The following SPACA3 variants were observed in gnomAD, a reference collection of about 807,000 sequenced individuals.
The protein encoded by SPACA3 is sperm acrosome associated 3.
SPACA3 carries 21 observed loss-of-function variants against 24.5 expected under a neutral mutation model. The observed-to-expected ratio is 0.86, with a 90% confidence interval of 0.61 to 1.24. The LOEUF is 1.24. Among genes scored for constraint, SPACA3 ranks in the 50% most tolerant of loss-of-function variants. SPACA3 has a pLI of 0.00. For missense variants in SPACA3, 278 were observed against 275.5 expected, an observed-to-expected ratio of 1.01 and a Z score of -0.06; for synonymous variants, 115 against 106.9, an observed-to-expected ratio of 1.08 and a Z score of -0.47.
Position 32,997,474 on chromosome 17 carries a change from GT to G in SPACA3, c.534del (p.Ile179SerfsTer4). ...DLLNPNLKDT[V>X]ICAMKITQEP... ...GTTGAATCCTAATCTCAAGGATACCGTTATCTGTGCCATGAAGATAACCCAA... is the reference window on the plus strand; with the variant it reads ...GTTGAATCCTAATCTCAAGGATACCGTATCTGTGCCATGAAGATAACCCAA... On this transcript the variant is annotated frameshift_variant, in exon 4 of 5. Coordinates refer to ENST00000269053, the MANE Select transcript of SPACA3 (RefSeq NM_173847.5). LOFTEE classifies it high-confidence loss of function. 6.2e-7 allele frequency: 1 copy of G among 1,614,030 alleles called. No individual in the cohort carries two copies. Among genetic ancestry groups the G allele is most frequent in the Non-Finnish European group, 8.5e-7 (1 of 1,179,994 alleles).
rs1246087511 is a variant in SPACA3, at chr17:32,995,657, C to G, written c.283C>G (p.Leu95Val). ...GGCCAAGCTCTACGGTCGTTGTGAA[C>G]TGGCCAGAGTGCTACATGACTTCGG... is the stretch of plus-strand genomic sequence containing the variant. ...SEAKLYGRCE[L>V]ARVLHDFGLD... Residue 95 changes from leucine (L) to valine (V), a missense_variant, in exon 2 of 5, where the codon CTG becomes GTG. Transcript: ENST00000269053. 6.2e-7 allele frequency: 1 copy of G among 1,614,256 alleles called. No individual in the cohort carries two copies. Among genetic ancestry groups the G allele is most frequent in the South Asian group, 1.1e-5 (1 of 91,086 alleles).
chr17:32,997,870 A>G lies in SPACA3; in HGVS notation c.*92A>G. ...CAAGCCAGCGAATAAAGGATGGTTG[A>G]ACGTGAATATGGCTCTCAGCTCTCA... On this transcript the variant is annotated 3_prime_UTR_variant, in exon 5 of 5. Coordinates refer to ENST00000269053, the MANE Select transcript of SPACA3 (RefSeq NM_173847.5). 1 of 1,331,798 alleles carries G rather than the reference A, an allele frequency of 7.5e-7. No individual in the cohort carries two copies. The highest frequency in any genetic ancestry group is 1.1e-6 in the Non-Finnish European group (1 of 926,216). The allele number at this position is 1,331,798 out of a possible 1,614,324, so 82.5% of individuals were successfully genotyped here.
At chr17:32,993,859 G>A (rs1442523222) in intron 1 of SPACA3, among the ~76,000 whole-genome samples, 1 of 152,054 alleles carries the variant, frequency 6.6e-6, no homozygotes, top group Non-Finnish European at 1.5e-5. Context: ...CGGGAGAGGA[G>A]GGACAACGGA....
At chr17:32,992,081 G>A in intron 1 of SPACA3, 109 bp downstream of exon 1, 1 of 1,176,832 alleles carries the variant, frequency 8.5e-7, no homozygotes, top group Non-Finnish European at 1.2e-6. Context: ...GGGTTATCCT[G>A]GCCTGGAAGA....
Position 32,997,866 on chromosome 17 carries a change from G to A in SPACA3, c.*88G>A. ...AAGACAAGCCAGCGAATAAAGGATG[G>A]TTGAACGTGAATATGGCTCTCAGCT... is the stretch of plus-strand genomic sequence containing the variant. On this transcript the variant is annotated 3_prime_UTR_variant, in exon 5 of 5. Coordinates refer to ENST00000269053, the MANE Select transcript of SPACA3 (RefSeq NM_173847.5). The A allele has an allele frequency of 3.6e-6, 5 of 1,380,982 alleles. No homozygotes were observed. Among genetic ancestry groups the A allele is most frequent in the Non-Finnish European group, 5.2e-6 (5 of 970,236 alleles). 85.5% of individuals were successfully genotyped at this position (1,380,982 alleles called of 1,614,324 possible).
At chr17:32,995,215 G>A (rs952766228) in intron 1 of SPACA3, among the ~76,000 whole-genome samples, 194 bp from the exon 2 acceptor site, 4 of 152,104 alleles carry the variant, frequency 2.6e-5, no homozygotes, top group Non-Finnish European at 4.4e-5. Flanking sequence ...TAAATAATCC[G>A]TAACGTGTAA....
intron 1 of SPACA3, among the ~76,000 whole-genome samples, chr17:32,994,482 T>C (rs898556101): frequency 6.6e-6 from 1 of 151,978 alleles, no homozygotes. Flanking sequence ...CCCGTGGAGG[T>C]TGGAGACCAG....
At chr17:32,993,678 G>A (rs561607398) in intron 1 of SPACA3, among the ~76,000 whole-genome samples, 6 of 122,602 alleles carry the variant, frequency 4.9e-5, no homozygotes, top group Non-Finnish European at 8.0e-5. Flanking sequence ...GAAAACAAGC[G>A]GGAGGGAGAA....
rs769793366 is a variant in SPACA3, at chr17:32,997,696, T to C, written c.582-16T>C. 1.2e-6 allele frequency: 2 copies of C among 1,613,600 alleles called. No homozygotes were observed. The highest frequency in any genetic ancestry group is 1.7e-5 in the Admixed American group (1 of 60,008). On this transcript the variant is annotated splice_polypyrimidine_tract_variant and intron_variant, in intron 4 of 4. Coordinates refer to ENST00000269053, the MANE Select transcript of SPACA3 (RefSeq NM_173847.5). ...AGCTGATATTATCTCTCCTCTTCCCTGTTCTCCATCCTCAGGGAGGCCTGG... is the reference window on the plus strand; with the variant it reads ...AGCTGATATTATCTCTCCTCTTCCCCGTTCTCCATCCTCAGGGAGGCCTGG...
chr17:32,996,508 G>T lies in SPACA3; in HGVS notation c.344-335G>T, dbSNP rs866657933. On this transcript the variant is annotated intron_variant, in intron 2 of 4. Coordinates refer to ENST00000269053, the MANE Select transcript of SPACA3 (RefSeq NM_173847.5). ...CGTCTCAAAAAAAAAAAAAAAAAAA[G>T]ATTTAGCACTTGTAGATTCATTCAA... Among the ~76,000 whole-genome samples, 1,038 of 137,728 alleles carry T rather than the reference G, an allele frequency of 7.5e-3. 17 individuals carry two copies. Among genetic ancestry groups the T allele is most frequent in the African/African-American group, 0.028 (959 of 34,672 alleles). 90.4% of individuals were successfully genotyped at this position (137,728 alleles called of 152,430 possible).
At chr17:32,995,310 CG>C (rs2091714733) in intron 1 of SPACA3, 98 bp from the exon 2 acceptor site, 10 of 1,180,328 alleles carry the variant, frequency 8.5e-6, no homozygotes, top group Non-Finnish European at 1.2e-5. Context: ...GGGCTGGTCT[CG>C]GGGTCAGGGT....
intron 1 of SPACA3, among the ~76,000 whole-genome samples, chr17:32,994,320 TACTC>T (rs1567711150): frequency 4.6e-5 from 7 of 152,162 alleles, no homozygotes; most frequent in African/African-American, 1.2e-4. Flanking sequence ...AGGCAGGTGT[TACTC>T]ACGTCCTCAT....
In SPACA3 at chr17:32,992,815, C is replaced by T. The variant is rs374529653; in HGVS notation, c.34+843C>T. The T allele has an allele frequency of 3.7e-4, 169 of 454,280 alleles. 1 individual carries two copies. The highest frequency in any genetic ancestry group is 2.7e-3 in the South Asian group (165 of 61,704). 28.1% of individuals were successfully genotyped at this position (454,280 alleles called of 1,614,324 possible). On this transcript the variant is annotated intron_variant, in intron 1 of 4. Coordinates refer to ENST00000269053, the MANE Select transcript of SPACA3 (RefSeq NM_173847.5). ...AACGTGTGAATGAGGGAGTGGGCCGCAGGGCTGGGCTGTGAAGGGTCGTGA... is the reference window on the plus strand; with the variant it reads ...AACGTGTGAATGAGGGAGTGGGCCGTAGGGCTGGGCTGTGAAGGGTCGTGA...
Position 32,997,134 on chromosome 17 carries a change from G to C in SPACA3, c.502+133G>C, listed in dbSNP as rs148637807. 2.8e-3 allele frequency: 3,049 copies of C among 1,074,350 alleles called. 7 individuals are homozygous for C. Among genetic ancestry groups the C allele is most frequent in the Non-Finnish European group, 3.7e-3 (2,818 of 769,974 alleles). 66.6% of individuals were successfully genotyped at this position (1,074,350 alleles called of 1,614,324 possible). A position where few individuals can be genotyped will look rare whatever the true frequency, so the allele number is the denominator to read the frequency against. ...ATCAGGCTGGGCCCACGGAGGAGAG[G>C]GAGATGGGACAAGGGATGAGGGTAG... On this transcript the variant is annotated intron_variant, in intron 3 of 4. Coordinates refer to ENST00000269053, the MANE Select transcript of SPACA3 (RefSeq NM_173847.5).
chr17:32,996,019 C>A (rs748836369), intron 2 of SPACA3, among the ~76,000 whole-genome samples: 25 of 152,214 alleles, frequency 1.6e-4, no homozygotes, highest in Non-Finnish European at 3.7e-4. Context: ...ATCAGACATT[C>A]CTTCTGAAAT....
At chr17:32,996,334 C>G (rs2151128746) in intron 2 of SPACA3, among the ~76,000 whole-genome samples, 1 of 152,128 alleles carries the variant, frequency 6.6e-6, no homozygotes, top group South Asian at 2.1e-4. Context: ...ACTAAAAATA[C>G]AAAAATTAGC....
chr17:32,996,648 G>A (rs774386604), intron 2 of SPACA3, among the ~76,000 whole-genome samples, 195 bp from the exon 3 acceptor site: 1 of 152,176 alleles, frequency 6.6e-6, no homozygotes, highest in East Asian at 1.9e-4. Context: ...AGCTGGATGG[G>A]ACCCTGGGTG....
At position 32,991,893 on chromosome 17, in the gene SPACA3, A is replaced by G; in HGVS notation, c.-46A>G. On this transcript the variant is annotated 5_prime_UTR_variant, in exon 1 of 5. Coordinates refer to ENST00000269053, the MANE Select transcript of SPACA3 (RefSeq NM_173847.5). Reference sequence around the variant, plus strand: ...TGGCAAGGTTGTGGGGGACATCTTGAGCTGAAGCAGGGTTTTGAGCCACTG... The same window carrying G: ...TGGCAAGGTTGTGGGGGACATCTTGGGCTGAAGCAGGGTTTTGAGCCACTG... 6.2e-7 allele frequency: 1 copy of G among 1,613,332 alleles called. No individual in the cohort carries two copies. Among genetic ancestry groups the G allele is most frequent in the Admixed American group, 1.7e-5 (1 of 59,936 alleles).
intron 4 of SPACA3, 22 bp downstream of exon 4, chr17:32,997,545 C>T: frequency 6.2e-7 from 1 of 1,607,436 alleles, no homozygotes; most frequent in Non-Finnish European, 8.5e-7. Flanking sequence ...GGGCTGGAGC[C>T]CCGCAGCGGT....
Sources: gnomAD v4.1 joint callset for allele counts (sites outside exome capture counted in the v4.1 genomes callset) on GRCh38, gnomAD v4.1.1 for gene constraint, MANE v1.5 for transcripts, NCBI Gene and HGNC (gene_info 2026-07-23, HGNC 2026-07-21) for gene names.